VPS50: variants seen among roughly 807,000 people sequenced by gnomAD.
VPS50 encodes syndetin.
Under a neutral mutation model 139.7 loss-of-function variants are expected in VPS50, and 70 were observed. The ratio of observed to expected loss-of-function variants is 0.50; its 90% CI spans 0.41 to 0.61. The LOEUF (loss-of-function observed/expected upper bound fraction) is 0.61. VPS50 is among the 20% of genes least tolerant of loss of function. The pLI, the probability that VPS50 is intolerant of heterozygous loss-of-function variation, is 0.00. For synonymous variants in VPS50, 365 were observed against 376.7 expected (o/e 0.97, Z 0.36); for missense variants, 921 against 1,133.7 (o/e 0.81, Z 2.69).
chr7:93,240,270 CAT>C (rs1794949467), intron 2 of VPS50, among the ~76,000 whole-genome samples: 2 of 137,830 alleles, frequency 1.5e-5, no homozygotes, highest in African/African-American at 5.7e-5. Flanking sequence ...CTCTCTCTCT[CAT>C]TGATTTATCT....
intron 9 of VPS50, among the ~76,000 whole-genome samples, chr7:93,262,526 A>G (rs1795716437): frequency 6.6e-6 from 1 of 152,282 alleles, no homozygotes; most frequent in Non-Finnish European, 1.5e-5. Context: ...TGAGTCATGC[A>G]TGTGATAATA....
At chr7:93,303,075 G>T (rs903139568) in intron 16 of VPS50, among the ~76,000 whole-genome samples, 4 of 151,878 alleles carry the variant, frequency 2.6e-5, no homozygotes, top group African/African-American at 9.7e-5. Flanking sequence ...TGGTATTTAT[G>T]ATCTCATATA....
intron 19 of VPS50, among the ~76,000 whole-genome samples, chr7:93,310,645 A>G (rs1797241224): frequency 1.3e-5 from 2 of 152,030 alleles, no homozygotes. Flanking sequence ...TCTACATGCG[A>G]ACGTGGTGAA....
At chr7:93,251,085 T>C (rs1315790519) in intron 2 of VPS50, among the ~76,000 whole-genome samples, 1 of 152,172 alleles carries the variant, frequency 6.6e-6, no homozygotes, top group Non-Finnish European at 1.5e-5. Context: ...TTGCTGGGAG[T>C]GTAAATTAGT....
Position 93,259,620 on chromosome 7 carries a change from A to G in VPS50, c.647A>G (p.Tyr216Cys). 1 of 1,566,886 alleles carries G rather than the reference A, an allele frequency of 6.4e-7. No homozygotes were observed. Among genetic ancestry groups the G allele is most frequent in the Non-Finnish European group, 8.8e-7 (1 of 1,137,356 alleles). The change falls in exon 9 of 28, where the codon TAC becomes TGC. Residue 216 changes from tyrosine to cysteine, a missense_variant. By Grantham distance (194) the Tyr-to-Cys change is radical (BLOSUM62 -2). This residue lies in a region of VPS50 where 744 missense variants were observed against 930.6 expected (regional missense o/e 0.80). Coordinates refer to ENST00000305866, the MANE Select transcript of VPS50 (RefSeq NM_017667.4). ...CQKAASTFKH[Y>C]SCISELNSKL... ...AAAGCTGCCAGCACTTTTAAACATT[A>G]CAGTTGTATAAGGTAAGGTCATGTA...
intron 16 of VPS50, among the ~76,000 whole-genome samples, chr7:93,299,167 A>G (rs2116957457): frequency 6.6e-6 from 1 of 152,286 alleles, no homozygotes; most frequent in East Asian, 1.9e-4. Context: ...TCGCTCTGAC[A>G]GTTGCCATCA....
chr7:93,258,832 A>C (rs1229230967), intron 8 of VPS50, among the ~76,000 whole-genome samples: 1 of 152,056 alleles, frequency 6.6e-6, no homozygotes, highest in Non-Finnish European at 1.5e-5. Flanking sequence ...AAGGTTCACC[A>C]AAGCATAATG....
chr7:93,346,986 A>T (rs1220110987), intron 23 of VPS50, among the ~76,000 whole-genome samples: 9 of 141,152 alleles, frequency 6.4e-5, no homozygotes, highest in Non-Finnish European at 1.2e-4. Flanking sequence ...GGATCTAATT[A>T]AACTAAAGAG....
At chr7:93,295,103 C>A (rs1038217917) in intron 14 of VPS50, among the ~76,000 whole-genome samples, 2 of 152,148 alleles carry the variant, frequency 1.3e-5, no homozygotes, top group Non-Finnish European at 1.5e-5. Context: ...GGGAATCTTA[C>A]ATGCTTATTG....
intron 19 of VPS50, among the ~76,000 whole-genome samples, chr7:93,310,032 T>G (rs1299178093): frequency 6.6e-6 from 1 of 152,074 alleles, no homozygotes; most frequent in Non-Finnish European, 1.5e-5. Flanking sequence ...TGCGTATGTA[T>G]GATATTAAGT....
intron 12 of VPS50, among the ~76,000 whole-genome samples, chr7:93,287,974 G>A (rs189309393): frequency 6.6e-5 from 10 of 152,226 alleles, no homozygotes; most frequent in Admixed American, 4.6e-4. Context: ...ATTTATAAAC[G>A]ATAGAGGTTT....
Position 93,259,543 on chromosome 7 carries a change from C to T in VPS50, c.577-7C>T. 1 of 1,514,248 alleles carries T rather than the reference C, an allele frequency of 6.6e-7. No individual in the cohort carries two copies. Among genetic ancestry groups the T allele is most frequent in the Non-Finnish European group, 9.2e-7 (1 of 1,091,420 alleles). The allele number at this position is 1,514,248 out of a possible 1,614,324, so 93.8% of individuals were successfully genotyped here. On this transcript the variant is annotated splice_polypyrimidine_tract_variant and splice_region_variant and intron_variant, in intron 8 of 27. Transcript: ENST00000305866. ...ATTCCAATGACTCCTGTTGTTGTTA[C>T]CTTAAGGAGGAAGATTATCCAGGAG...
chr7:93,289,505 A>G (rs1192259447), intron 12 of VPS50, among the ~76,000 whole-genome samples: 1 of 152,076 alleles, frequency 6.6e-6, no homozygotes, highest in Non-Finnish European at 1.5e-5. Context: ...TTTGCTATAC[A>G]AATTGTACTT....
In VPS50 at chr7:93,253,904, A is replaced by C; in HGVS notation, c.270A>C (p.Arg90Ser). The C allele has an allele frequency of 6.2e-7, 1 of 1,600,532 alleles. No individual in the cohort carries two copies. The highest frequency in any genetic ancestry group is 8.5e-7 in the Non-Finnish European group (1 of 1,170,702). ...ATTTGCAAGAATTAGAGGCGTATAGAGACAAATTGAAACAACAGCAAGCTG... is the reference window on the plus strand; with the variant it reads ...ATTTGCAAGAATTAGAGGCGTATAGCGACAAATTGAAACAACAGCAAGCTG... ...VLNLQELEAY[R>S]DKLKQQQAAV... Residue 90 changes from arginine to serine, a missense_variant, in exon 4 of 28, where the codon AGA becomes AGC. Transcript: ENST00000305866.
intron 25 of VPS50, 92 bp from the exon 26 acceptor site, chr7:93,353,548 T>C: frequency 7.2e-7 from 1 of 1,382,378 alleles, no homozygotes; most frequent in African/African-American, 1.5e-5. Context: ...ATTCTGAGTC[T>C]TTCTAAATCT....
chr7:93,354,480 G>C (rs1223053518), intron 26 of VPS50, among the ~76,000 whole-genome samples: 3 of 151,876 alleles, frequency 2.0e-5, no homozygotes, highest in East Asian at 1.9e-4. Flanking sequence ...TTTTAGTAGA[G>C]ATGGGGTTTC....
intron 2 of VPS50, among the ~76,000 whole-genome samples, chr7:93,242,494 T>TAA (rs1056736684): frequency 5.3e-5 from 8 of 151,650 alleles, no homozygotes; most frequent in Admixed American, 1.3e-4. Context: ...TATATATATA[T>TAA]AACATAGAAA....
chr7:93,336,835 A>T (rs888504322), intron 22 of VPS50, among the ~76,000 whole-genome samples: 1 of 111,950 alleles, frequency 8.9e-6, no homozygotes, highest in Admixed American at 8.8e-5. Flanking sequence ...TAAATCTTTG[A>T]TAATAAAAAG....
At chr7:93,317,021 G>A (rs781211236) in intron 20 of VPS50, among the ~76,000 whole-genome samples, 3 of 152,112 alleles carry the variant, frequency 2.0e-5, no homozygotes, top group Non-Finnish European at 2.9e-5. Flanking sequence ...CAGTGGATAT[G>A]GATACACTGG....
Sources: allele counts gnomAD v4.1 joint callset (sites outside exome capture counted in the v4.1 genomes callset), GRCh38; gene constraint gnomAD v4.1.1; regional missense constraint gnomAD v4.1.1; transcripts MANE v1.5; gene names NCBI Gene and HGNC (gene_info 2026-07-23, HGNC 2026-07-21).